FGGY: variants seen among roughly 807,000 people sequenced by gnomAD.
The protein encoded by FGGY is FGGY carbohydrate kinase domain containing.
FGGY carries 72 observed loss-of-function variants against 71.3 expected under a neutral mutation model. The observed-to-expected ratio is 1.01, with a 90% CI of 0.84 to 1.23. The LOEUF (loss-of-function observed/expected upper bound fraction) is 1.23, where lower values mean the gene tolerates loss of function less well. FGGY is among the 50% of genes most tolerant of loss of function. The probability of loss-of-function intolerance (pLI) is 0.00; values close to 1 mark genes in which losing one functional copy is unlikely to be tolerated. For missense variants in FGGY, 668 were observed against 682.3 expected (o/e 0.98, Z 0.23); for synonymous variants, 251 against 250.3 (o/e 1.00, Z -0.02).
At chr1:59,680,625 A>C (rs891614998) in intron 14 of FGGY, 1 of 152,158 alleles carries the variant, frequency 6.6e-6, no homozygotes, top group Non-Finnish European at 1.5e-5. Flanking sequence ...TAATTTTTTA[A>C]GGAAATTATT....
At chr1:59,510,902 A>G (rs1490488747) in intron 6 of FGGY, among the ~76,000 whole-genome samples, 1 of 152,240 alleles carries the variant, frequency 6.6e-6, no homozygotes, top group Admixed American at 6.5e-5. Context: ...TGTTCCGAAC[A>G]TACTTAAAAG....
intron 4 of FGGY, among the ~76,000 whole-genome samples, chr1:59,351,432 A>G (rs956838854): frequency 6.6e-6 from 1 of 151,992 alleles, no homozygotes; most frequent in Non-Finnish European, 1.5e-5. Context: ...TTGTTATTAC[A>G]CTCTTAATTT....
At chr1:59,502,374 A>G (rs1401671387) in intron 6 of FGGY, among the ~76,000 whole-genome samples, 1 of 152,026 alleles carries the variant, frequency 6.6e-6, no homozygotes, top group East Asian at 1.9e-4. Context: ...GGAAAGAGTG[A>G]TTAATTATGA....
chr1:59,579,364 A>G (rs1013079626), intron 8 of FGGY, among the ~76,000 whole-genome samples: 2 of 151,998 alleles, frequency 1.3e-5, no homozygotes, highest in African/African-American at 4.8e-5. Flanking sequence ...GTAGAGTATG[A>G]CCTCCAAACA....
At chr1:59,694,006 C>CA (rs552533038) in intron 14 of FGGY, among the ~76,000 whole-genome samples, 5 of 138,730 alleles carry the variant, frequency 3.6e-5, no homozygotes, top group Non-Finnish European at 6.2e-5. Context: ...GACCCTGTCT[C>CA]AAAAAAAGTA....
chr1:59,500,047 C>T (rs1221676511), intron 6 of FGGY, among the ~76,000 whole-genome samples: 1 of 152,136 alleles, frequency 6.6e-6, no homozygotes, highest in Admixed American at 6.5e-5. Flanking sequence ...ACTGTAGAGA[C>T]ACATTGTTAC....
chr1:59,329,941 A>G (rs2048149724), intron 2 of FGGY, among the ~76,000 whole-genome samples: 1 of 152,194 alleles, frequency 6.6e-6, no homozygotes, highest in Non-Finnish European at 1.5e-5. Flanking sequence ...GTTCCATTGG[A>G]TAGTGCTGCC....
chr1:59,650,926 G>A (rs1415487750), intron 11 of FGGY, among the ~76,000 whole-genome samples: 2 of 150,930 alleles, frequency 1.3e-5, no homozygotes, highest in African/African-American at 5.0e-5. Flanking sequence ...CTTTGAATGT[G>A]TCCCAGAGAT....
intron 5 of FGGY, among the ~76,000 whole-genome samples, chr1:59,430,371 T>A (rs555273132): frequency 8.5e-5 from 13 of 152,206 alleles, no homozygotes; most frequent in African/African-American, 2.6e-4. Flanking sequence ...AATATTGGAG[T>A]TGGATTCATT....
At chr1:59,703,622 C>T (rs918489653) in intron 14 of FGGY, among the ~76,000 whole-genome samples, 7 of 152,226 alleles carry the variant, frequency 4.6e-5, no homozygotes, top group Non-Finnish European at 1.0e-4. Flanking sequence ...CTTCCCTGGG[C>T]ATCTACTTCT....
At chr1:59,606,259 A>C (rs1032094236) in intron 8 of FGGY, among the ~76,000 whole-genome samples, 29 of 152,176 alleles carry the variant, frequency 1.9e-4, no homozygotes, top group African/African-American at 6.5e-4. Flanking sequence ...CACCTGTTTC[A>C]CTTTAGCAAA....
Position 59,450,936 on chromosome 1 carries a change from GTA to G in FGGY, c.555-6020_555-6019del, listed in dbSNP as rs57571952. Among the ~76,000 whole-genome samples, 863 of 152,078 alleles carry G rather than the reference GTA, an allele frequency of 5.7e-3. 7 individuals carry two copies. Among genetic ancestry groups the G allele is most frequent in the African/African-American group, 0.02 (834 of 41,516 alleles). ...TTAAAAAATCTGAATTATAAACAAGGTATATAGCTTAATTTTAACCACAGTAT... is the reference window on the plus strand; with the variant it reads ...TTAAAAAATCTGAATTATAAACAAGGTATAGCTTAATTTTAACCACAGTAT... On this transcript the variant is annotated intron_variant, in intron 5 of 15. Transcript: ENST00000303721.
intron 5 of FGGY, among the ~76,000 whole-genome samples, chr1:59,448,749 G>A (rs1275276252): frequency 1.3e-5 from 2 of 152,126 alleles, no homozygotes; most frequent in Non-Finnish European, 2.9e-5. Flanking sequence ...GCTGTGGGAG[G>A]TTGTGGCCTG....
chr1:59,302,527 G>A (rs962899649), intron 1 of FGGY, among the ~76,000 whole-genome samples: 6 of 152,112 alleles, frequency 3.9e-5, no homozygotes, highest in Non-Finnish European at 7.4e-5. Flanking sequence ...GATGGAGCAA[G>A]CTGGAGAACA....
chr1:59,363,129 A>G (rs2055921330), intron 4 of FGGY, among the ~76,000 whole-genome samples: 1 of 152,234 alleles, frequency 6.6e-6, no homozygotes, highest in South Asian at 2.1e-4. Context: ...AAGAATGGGC[A>G]CATGAACATG....
chr1:59,604,051 T>C (rs1371555668), intron 8 of FGGY, among the ~76,000 whole-genome samples: 1 of 152,198 alleles, frequency 6.6e-6, no homozygotes, highest in African/African-American at 2.4e-5. Flanking sequence ...ATGCTTAGAA[T>C]CAGGCCTTTA....
In FGGY at chr1:59,656,588, CTTTGCA is replaced by C. The variant is rs2097220458; in HGVS notation, c.1222-3630_1222-3625del. Reference sequence around the variant, plus strand: ...AAACAAGGACCTCAGACCACAGTGTCTTTGCACTTGAGAGATAAATATCTTTCACTA... The same window carrying C: ...AAACAAGGACCTCAGACCACAGTGTCCTTGAGAGATAAATATCTTTCACTA... On this transcript the variant is annotated intron_variant, in intron 11 of 15. Transcript: ENST00000303721. Among the ~76,000 whole-genome samples the C allele has an allele frequency of 5.9e-5, 9 of 152,336 alleles. 1 individual carries two copies. In the South Asian group the frequency reaches 1.5e-3, roughly 25 times the overall value.
rs77669751 is a variant in FGGY, at chr1:59,613,772, G to C, written c.1011+5862G>C. Reference sequence around the variant, plus strand: ...CTAGCAAGACTAATGAAGAAGAAAAGAGAGAAGAATCAAATAGACACAATA... The same window carrying C: ...CTAGCAAGACTAATGAAGAAGAAAACAGAGAAGAATCAAATAGACACAATA... On this transcript the variant is annotated intron_variant, in intron 9 of 15. Transcript: ENST00000303721. 7.2e-3 allele frequency among the ~76,000 whole-genome samples: 1,090 copies of C among 152,108 alleles called. 21 individuals are homozygous for C. The highest frequency in any genetic ancestry group is 0.025 in the African/African-American group (1,032 of 41,498).
chr1:59,466,547 C>G (rs1459885927), intron 6 of FGGY, among the ~76,000 whole-genome samples: 4 of 152,160 alleles, frequency 2.6e-5, no homozygotes, highest in Admixed American at 2.0e-4. Flanking sequence ...GCAAAAGAAA[C>G]TACCATCAGA....
Sources: gnomAD v4.1 joint callset for allele counts (sites outside exome capture counted in the v4.1 genomes callset) on GRCh38, gnomAD v4.1.1 for gene constraint, MANE v1.5 for transcripts, NCBI Gene and HGNC (gene_info 2026-07-23, HGNC 2026-07-21) for gene names.